The following ASXL1 variants were observed in gnomAD, a reference collection of about 807,000 sequenced individuals.
ASXL1 encodes the protein ASXL transcriptional regulator 1, also known as polycomb group protein ASXL1.
In ASXL1, 65 loss-of-function variants were observed where a neutral mutation model predicts 89.1. The observed-to-expected ratio is 0.73, with a 90% confidence interval of 0.60 to 0.90. The LOEUF is 0.90. ASXL1 is among the 40% of genes least tolerant of loss of function. The pLI is 0.00. For missense variants in ASXL1, 1,786 were observed against 1,942.9 expected (o/e 0.92, Z 1.52); for synonymous variants, 739 against 746.9 (o/e 0.99, Z 0.17).
Position 32,429,880 on chromosome 20 carries a change from A to C in ASXL1, c.566-21A>C, listed in dbSNP as rs767411027. The stretch of plus-strand genomic sequence containing the variant: ...GCGCGGCTTGGTGATACTTTTGACC[A>C]GTGGAATGCTGTGCCTTCAGGGTTC... On this transcript the variant is annotated intron_variant, in intron 7 of 12. Coordinates refer to ENST00000375687, the MANE Select transcript of ASXL1 (RefSeq NM_015338.6). This position sits in a 1 kb window ranked among gnomAD's most constrained non-coding sequence, Gnocchi z 4.9. 2 of 1,606,144 alleles carry C rather than the reference A, an allele frequency of 1.2e-6. No individual in the cohort carries two copies. Among genetic ancestry groups the C allele is most frequent in the Admixed American group, 3.3e-5 (2 of 59,762 alleles).
At chr20:32,417,808 T>C (rs1406346856) in intron 4 of ASXL1, among the ~76,000 whole-genome samples, 1 of 152,100 alleles carries the variant, frequency 6.6e-6, no homozygotes, top group Non-Finnish European at 1.5e-5. Context: ...CACTTGAGGC[T>C]GAGGAGGGTG....
chr20:32,432,840 T>A (rs2011562214), intron 10 of ASXL1, 40 bp from the exon 11 acceptor site: 2 of 1,609,082 alleles, frequency 1.2e-6, no homozygotes, highest in Non-Finnish European at 1.7e-6. Flanking sequence ...GACATTAATA[T>A]CCCGAATGCA....
rs2011438961 is a variant in ASXL1, at chr20:32,429,180, A to G, written c.472-158A>G. 2.7e-6 allele frequency: 2 copies of G among 735,774 alleles called. No homozygotes were observed. Among genetic ancestry groups the G allele is most frequent in the African/African-American group, 3.5e-5 (2 of 57,326 alleles). 45.6% of individuals were successfully genotyped at this position (735,774 alleles called of 1,614,324 possible). A position where few individuals can be genotyped will look rare whatever the true frequency, so the allele number is the denominator to read the frequency against. On this transcript the variant is annotated intron_variant, in intron 6 of 12. Coordinates refer to ENST00000375687, the MANE Select transcript of ASXL1 (RefSeq NM_015338.6). This position sits in a 1 kb window ranked among gnomAD's most constrained non-coding sequence, Gnocchi z 4.9. ...TGGCACAGTGACCAGCACGTAGCTC[A>G]GTAACATTAACCAGTGCTCTTGTCA...
At chr20:32,387,191 A>G (rs1380869765) in intron 4 of ASXL1, among the ~76,000 whole-genome samples, 1 of 152,102 alleles carries the variant, frequency 6.6e-6, no homozygotes, top group Admixed American at 6.6e-5. Flanking sequence ...CCATAATCCC[A>G]GTTACTCAGG....
intron 4 of ASXL1, among the ~76,000 whole-genome samples, chr20:32,379,680 G>T (rs1455755968): frequency 6.6e-6 from 1 of 151,472 alleles, no homozygotes; most frequent in Non-Finnish European, 1.5e-5. Context: ...ATGAAAATTA[G>T]CTGGGATTAC....
At chr20:32,375,281 C>T (rs1307164441) in intron 4 of ASXL1, among the ~76,000 whole-genome samples, 2 of 151,958 alleles carry the variant, frequency 1.3e-5, no homozygotes, top group Non-Finnish European at 2.9e-5. Context: ...AACCCCGTTA[C>T]TACTAAAAAT....
At chr20:32,428,086 T>G in intron 4 of ASXL1, 42 bp from the exon 5 acceptor site, 1 of 1,611,932 alleles carries the variant, frequency 6.2e-7, no homozygotes. Context: ...CTTTAAGAAT[T>G]TGTAGGGTTT....
intron 4 of ASXL1, among the ~76,000 whole-genome samples, chr20:32,410,365 T>A (rs566326331): frequency 4.6e-5 from 7 of 152,324 alleles, no homozygotes; most frequent in Admixed American, 1.3e-4. Flanking sequence ...CTGAATGAAC[T>A]TCTGGCCTCA....
Position 32,434,568 on chromosome 20 carries a change from C to G in ASXL1, c.1856C>G (p.Ala619Gly). 6.2e-7 allele frequency: 1 copy of G among 1,613,626 alleles called. No homozygotes were observed. The highest frequency in any genetic ancestry group is 8.5e-7 in the Non-Finnish European group (1 of 1,180,010). The change falls in exon 13 of 13, where the codon GCC becomes GGC. Residue 619 changes from alanine to glycine, a missense_variant. Coordinates refer to ENST00000375687, the MANE Select transcript of ASXL1 (RefSeq NM_015338.6). ...TGARTLADIK[A>G]RALQVRGARG... Reference sequence around the variant, plus strand: ...GCCAGGACCCTCGCAGACATTAAAGCCCGTGCTCTGCAGGTCCGAGGGGCG... The same window carrying G: ...GCCAGGACCCTCGCAGACATTAAAGGCCGTGCTCTGCAGGTCCGAGGGGCG...
intron 10 of ASXL1, 45 bp downstream of exon 10, chr20:32,431,724 G>A (rs750439650): frequency 8.2e-6 from 13 of 1,584,272 alleles, no homozygotes; most frequent in African/African-American, 6.7e-5. Context: ...CGCACCTGTC[G>A]TGTGGTGTTG....
chr20:32,406,872 T>TC (rs1032121358), intron 4 of ASXL1, among the ~76,000 whole-genome samples: 9 of 152,272 alleles, frequency 5.9e-5, no homozygotes, highest in African/African-American at 2.2e-4. Context: ...CCTTCTGTGC[T>TC]CCACTCAGGC....
At chr20:32,432,013 C>T (rs529388787) in intron 10 of ASXL1, among the ~76,000 whole-genome samples, 1 of 152,228 alleles carries the variant, frequency 6.6e-6, no homozygotes, top group South Asian at 2.1e-4. Flanking sequence ...GAAGCTCCAC[C>T]ATGCTCTGTC....
chr20:32,369,605 T>C (rs1283989049), intron 4 of ASXL1, among the ~76,000 whole-genome samples: 1 of 152,000 alleles, frequency 6.6e-6, no homozygotes, highest in Non-Finnish European at 1.5e-5. Flanking sequence ...GAATCAGATA[T>C]TAGAAATTAT....
At chr20:32,368,694 T>C (rs2048245114) in intron 3 of ASXL1, among the ~76,000 whole-genome samples, 1 of 152,206 alleles carries the variant, frequency 6.6e-6, no homozygotes, top group East Asian at 1.9e-4. Context: ...TTTATTAACT[T>C]ATTAAAATAT....
chr20:32,405,732 G>T (rs1255189855), intron 4 of ASXL1, among the ~76,000 whole-genome samples: 1 of 152,066 alleles, frequency 6.6e-6, no homozygotes, highest in Admixed American at 6.6e-5. Flanking sequence ...TCTCATAATT[G>T]GATTCAGGTT....
chr20:32,427,266 A>T (rs1359392219), intron 4 of ASXL1: 1 of 151,894 alleles, frequency 6.6e-6, no homozygotes, highest in Non-Finnish European at 1.5e-5. Context: ...TCTCCTCTAC[A>T]CTCTAGCCCT....
intron 12 of ASXL1, 37 bp downstream of exon 12, chr20:32,433,954 A>G (rs1181328770): frequency 6.2e-7 from 1 of 1,610,314 alleles, no homozygotes; most frequent in African/African-American, 1.3e-5. Flanking sequence ...CCCTGGAGCC[A>G]GGTTTTCTTT....
rs1364461359 is a variant in ASXL1 at position 32,433,583 on chromosome 20, G to A, written c.1385G>A (p.Ser462Asn). Residue 462 changes from serine to asparagine, a missense_variant, in exon 12 of 13, where the codon AGC (serine) becomes AAC (asparagine). Physicochemically the swap from Ser to Asn is conservative, Grantham distance 46 (BLOSUM62 1). Transcript: ENST00000375687. ...GEAKTDPAGL[S>N]SPHLPGTSSA... The stretch of plus-strand genomic sequence containing the variant: ...GCTAAGACTGACCCAGCAGGGCTGA[G>A]CAGTCCCCATCTGCCAGGCACATCC... 1.2e-6 allele frequency: 2 copies of A among 1,614,046 alleles called. No individual in the cohort carries two copies. The highest frequency in any genetic ancestry group is 2.2e-5 in the East Asian group (1 of 44,898).
chr20:32,372,238 C>T, intron 4 of ASXL1: 1 of 1,326,488 alleles, frequency 7.5e-7, no homozygotes, highest in Non-Finnish European at 9.9e-7. Context: ...TATGAACCTG[C>T]TGTAAGCTTG....
Sources: gnomAD v4.1 joint callset for allele counts (sites outside exome capture counted in the v4.1 genomes callset) on GRCh38, gnomAD v4.1.1 for gene constraint, Gnocchi (gnomAD v3.1) non-coding constraint, MANE v1.5 for transcripts, NCBI Gene and HGNC (gene_info 2026-07-23, HGNC 2026-07-21) for gene names.